The following ZCCHC7 variants were observed in gnomAD, a reference collection of about 807,000 sequenced individuals.
ZCCHC7 encodes zinc finger CCHC domain-containing protein 7.
In ZCCHC7, 35 loss-of-function variants were observed where a neutral mutation model predicts 52.0. The observed-to-expected ratio is 0.67, with a 90% CI of 0.51 to 0.89. The LOEUF (loss-of-function observed/expected upper bound fraction) is 0.89, where lower values mean the gene tolerates loss of function less well. ZCCHC7 is among the 40% of genes least tolerant of loss of function. The pLI is 0.00. For synonymous variants in ZCCHC7, 217 were observed against 221.5 expected (o/e 0.98, Z 0.18); for missense variants, 574 against 649.1 (o/e 0.88, Z 1.26).
chr9:37,126,153 C>A (rs1268932661), intron 1 of ZCCHC7, among the ~76,000 whole-genome samples, 159 bp from the exon 2 acceptor site: 1 of 152,150 alleles, frequency 6.6e-6, no homozygotes, highest in Non-Finnish European at 1.5e-5. Context: ...TGGGTCCTAA[C>A]AGGACTTAGA....
intron 2 of ZCCHC7, among the ~76,000 whole-genome samples, chr9:37,199,552 C>T (rs1176919554): frequency 4.0e-5 from 6 of 151,786 alleles, no homozygotes; most frequent in Non-Finnish European, 7.4e-5. Context: ...AGGCTGGTCT[C>T]GAACTCCTGA....
At chr9:37,329,220 G>A (rs1298431694) in intron 6 of ZCCHC7, among the ~76,000 whole-genome samples, 10 of 151,734 alleles carry the variant, frequency 6.6e-5, no homozygotes, top group Admixed American at 2.0e-4. Flanking sequence ...ATCTTGAAGT[G>A]TAGGAAGTAT....
chr9:37,284,281 C>T (rs549517755), intron 2 of ZCCHC7: 1 of 152,198 alleles, frequency 6.6e-6, no homozygotes, highest in East Asian at 1.9e-4. Flanking sequence ...GTAACAGAGG[C>T]CAAGACTCTA....
At chr9:37,209,614 A>G (rs1824106047) in intron 2 of ZCCHC7, among the ~76,000 whole-genome samples, 1 of 152,128 alleles carries the variant, frequency 6.6e-6, no homozygotes, top group South Asian at 2.1e-4. Flanking sequence ...GTTTCACTCT[A>G]CCTGTTAAAG....
chr9:37,169,931 C>T (rs973988136), intron 2 of ZCCHC7, among the ~76,000 whole-genome samples: 4 of 151,780 alleles, frequency 2.6e-5, no homozygotes, highest in Admixed American at 6.6e-5. Context: ...GGCTTGGTGG[C>T]ATGCATTTGT....
chr9:37,135,863 A>G (rs1842977326), intron 2 of ZCCHC7, among the ~76,000 whole-genome samples: 1 of 152,196 alleles, frequency 6.6e-6, no homozygotes, highest in Non-Finnish European at 1.5e-5. Flanking sequence ...GAAGTTTTGG[A>G]TATAATTTCA....
At chr9:37,213,681 C>CT (rs1230454896) in intron 2 of ZCCHC7, among the ~76,000 whole-genome samples, 1 of 152,148 alleles carries the variant, frequency 6.6e-6, no homozygotes, top group East Asian at 1.9e-4. Flanking sequence ...TCTAATCCTA[C>CT]TTGTGCTGTT....
chr9:37,253,673 T>A (rs1405401529), intron 2 of ZCCHC7, among the ~76,000 whole-genome samples: 1 of 152,054 alleles, frequency 6.6e-6, no homozygotes, highest in Non-Finnish European at 1.5e-5. Flanking sequence ...CACTTTGGTC[T>A]TTGATTCATT....
chr9:37,334,062 T>A (rs530152700), intron 6 of ZCCHC7: 1 of 152,032 alleles, frequency 6.6e-6, no homozygotes, highest in East Asian at 1.9e-4. Flanking sequence ...ATTAACAGTT[T>A]TAAAATCTTG....
At chr9:37,152,545 C>G (rs1195151625) in intron 2 of ZCCHC7, among the ~76,000 whole-genome samples, 1 of 152,008 alleles carries the variant, frequency 6.6e-6, no homozygotes. Flanking sequence ...CTCAGACTTT[C>G]CTTTTTTTTG....
chr9:37,202,740 C>A (rs1823702232), intron 2 of ZCCHC7, among the ~76,000 whole-genome samples: 2 of 152,256 alleles, frequency 1.3e-5, no homozygotes, highest in Admixed American at 1.3e-4. Context: ...CCTTGGCCTT[C>A]CACAGTGCTG....
chr9:37,250,764 G>A (rs182449765), intron 2 of ZCCHC7, among the ~76,000 whole-genome samples: 1 of 152,252 alleles, frequency 6.6e-6, no homozygotes, highest in East Asian at 1.9e-4. Context: ...TATATTATGA[G>A]GTTGCATTAT....
intron 2 of ZCCHC7, among the ~76,000 whole-genome samples, chr9:37,142,601 A>G (rs1843275869): frequency 6.6e-6 from 1 of 151,788 alleles, no homozygotes; most frequent in Non-Finnish European, 1.5e-5. Flanking sequence ...GTGAGTTTCA[A>G]ACTAAGAAGA....
At chr9:37,208,516 A>G (rs566227874) in intron 2 of ZCCHC7, among the ~76,000 whole-genome samples, 1 of 152,180 alleles carries the variant, frequency 6.6e-6, no homozygotes, top group Non-Finnish European at 1.5e-5. Context: ...GCAGTGTTGA[A>G]TGAGGTGAAA....
intron 2 of ZCCHC7, among the ~76,000 whole-genome samples, chr9:37,276,086 G>A (rs1827671867): frequency 1.3e-5 from 2 of 152,174 alleles, no homozygotes; most frequent in Admixed American, 6.5e-5. Context: ...GGGGATAGTA[G>A]TATTTTATTT....
upstream of ZCCHC7, chr9:37,120,495 TG>T: frequency 5.0e-6 from 2 of 398,960 alleles, no homozygotes; most frequent in Non-Finnish European, 4.4e-6. Context: ...AGAGCTGTGT[TG>T]TCCCCGGAAG....
intron 2 of ZCCHC7, among the ~76,000 whole-genome samples, chr9:37,199,002 T>C (rs1171284624): frequency 6.6e-6 from 1 of 152,350 alleles, no homozygotes; most frequent in South Asian, 2.1e-4. Flanking sequence ...CTGTATCTTT[T>C]AGCCTTCTAC....
chr9:37,330,740 T>G, intron 6 of ZCCHC7, among the ~76,000 whole-genome samples: 1 of 151,578 alleles, frequency 6.6e-6, no homozygotes, highest in Non-Finnish European at 1.5e-5. Context: ...TTTTTCATCT[T>G]TCAAATAACT....
intron 2 of ZCCHC7, among the ~76,000 whole-genome samples, chr9:37,130,585 C>T (rs1312045869): frequency 2.2e-4 from 33 of 151,154 alleles, no homozygotes; most frequent in African/African-American, 6.6e-4. Flanking sequence ...CTGCGCCTCC[C>T]GGGTTCACGC....
Sources: allele counts gnomAD v4.1 joint callset (sites outside exome capture counted in the v4.1 genomes callset), GRCh38; gene constraint gnomAD v4.1.1; transcripts MANE v1.5; gene names NCBI Gene and HGNC (gene_info 2026-07-23, HGNC 2026-07-21).